The following SLC25A21 variants were observed in gnomAD, a reference collection of about 807,000 sequenced individuals.
SLC25A21 encodes solute carrier family 25 member 21.
Under a neutral mutation model 43.8 loss-of-function variants are expected in SLC25A21, and 47 were observed. The ratio of observed to expected loss-of-function variants is 1.07; its 90% CI spans 0.85 to 1.37. The LOEUF is 1.37. Ranked by LOEUF, SLC25A21 falls within the 40% of genes most tolerant of loss-of-function variation. The probability of loss-of-function intolerance (pLI) is 0.00; values close to 1 mark genes in which losing one functional copy is unlikely to be tolerated. For missense variants in SLC25A21, 352 were observed against 350.2 expected (o/e 1.00, Z -0.04); for synonymous variants, 131 against 121.3 (o/e 1.08, Z -0.52).
intron 6 of SLC25A21, among the ~76,000 whole-genome samples, chr14:36,715,190 T>C (rs1367787161): frequency 6.6e-6 from 1 of 152,176 alleles, no homozygotes; most frequent in Non-Finnish European, 1.5e-5. Flanking sequence ...AATGGAGGCC[T>C]TGGGATAAAG....
Position 37,137,350 on chromosome 14 carries a change from T to C in SLC25A21, c.70+34931A>G, listed in dbSNP as rs995673323. On this transcript the variant is annotated intron_variant, in intron 1 of 9. Transcript: ENST00000331299. ...ATAAATATAAATAATGGTATTATGT[T>C]TATGTTTAAATATTATTATTTATGT... Among the ~76,000 whole-genome samples, 15 of 152,336 alleles carry C rather than the reference T, an allele frequency of 9.8e-5. 1 individual carries two copies. The highest frequency in any genetic ancestry group is 3.1e-4 in the African/African-American group (13 of 41,574).
intron 1 of SLC25A21, among the ~76,000 whole-genome samples, chr14:36,967,183 GT>G (rs1959636924): frequency 6.6e-6 from 1 of 152,174 alleles, no homozygotes; most frequent in Admixed American, 6.5e-5. Context: ...TGGTATTTCT[GT>G]CTTTCATGAT....
At chr14:36,944,160 C>A (rs563930377) in intron 1 of SLC25A21, among the ~76,000 whole-genome samples, 1 of 152,222 alleles carries the variant, frequency 6.6e-6, no homozygotes, top group East Asian at 1.9e-4. Context: ...AATGCAGGTG[C>A]CTCTGGCCAG....
chr14:37,163,180 T>C (rs1375727791), intron 1 of SLC25A21, among the ~76,000 whole-genome samples: 2 of 151,854 alleles, frequency 1.3e-5, no homozygotes, highest in African/African-American at 2.4e-5. Context: ...TTAGGAGATA[T>C]ACCTAATGCT....
chr14:36,935,582 C>T (rs564397490), intron 1 of SLC25A21, among the ~76,000 whole-genome samples: 1 of 152,306 alleles, frequency 6.6e-6, no homozygotes, highest in Non-Finnish European at 1.5e-5. Flanking sequence ...CTGATTGGCA[C>T]TGTTCAACAT....
chr14:36,743,091 T>G (rs533909974), intron 3 of SLC25A21, among the ~76,000 whole-genome samples: 3 of 152,226 alleles, frequency 2.0e-5, no homozygotes, highest in African/African-American at 7.2e-5. Context: ...GTTGGCAGAG[T>G]GCTCAATGCA....
chr14:36,733,711 G>C (rs1884922128), intron 4 of SLC25A21, among the ~76,000 whole-genome samples: 1 of 152,154 alleles, frequency 6.6e-6, no homozygotes. Flanking sequence ...TTTAAGTTTA[G>C]GTTATCATTA....
In SLC25A21 at chr14:37,110,741, T is replaced by C. The variant is rs372465275; in HGVS notation, c.70+61540A>G. Among the ~76,000 whole-genome samples, 52 of 152,286 alleles carry C rather than the reference T, an allele frequency of 3.4e-4. No individual in the cohort carries two copies. The South Asian group carries it at 4.6e-3, about 13-fold the overall frequency. On this transcript the variant is annotated intron_variant, in intron 1 of 9. Transcript: ENST00000331299. The stretch of plus-strand genomic sequence containing the variant: ...TTAAATTCATGGCAATGAAACTCTT[T>C]CACTCCCAGACAACTGTTTATCAAT...
Position 37,135,519 on chromosome 14 carries a change from T to C in SLC25A21, c.70+36762A>G, listed in dbSNP as rs1317698469. The stretch of plus-strand genomic sequence containing the variant: ...CTGAAATTACAGGCATGAGCCACCA[T>C]GTCCAGCAGAAAAACTAAAAATTCT... On this transcript the variant is annotated intron_variant, in intron 1 of 9. Transcript: ENST00000331299. Among the ~76,000 whole-genome samples, 5 of 152,320 alleles carry C rather than the reference T, an allele frequency of 3.3e-5. No homozygotes were observed. In the South Asian group the frequency reaches 8.3e-4, roughly 25 times the overall value.
chr14:37,062,263 A>G (rs1961963076), intron 1 of SLC25A21, among the ~76,000 whole-genome samples: 1 of 152,184 alleles, frequency 6.6e-6, no homozygotes. Context: ...GGAAAGGAAA[A>G]TCATACCACA....
intron 2 of SLC25A21, among the ~76,000 whole-genome samples, chr14:36,841,182 G>T (rs1246347508): frequency 7.2e-5 from 11 of 152,102 alleles, no homozygotes; most frequent in African/African-American, 2.7e-4. Flanking sequence ...AACATCAGTT[G>T]TCTGTCTCAT....
chr14:37,013,007 C>T (rs1027858527), intron 1 of SLC25A21, among the ~76,000 whole-genome samples: 4 of 152,256 alleles, frequency 2.6e-5, no homozygotes, highest in East Asian at 3.9e-4. Flanking sequence ...TGGTGGATTG[C>T]GCAGCTCAGA....
intron 1 of SLC25A21, among the ~76,000 whole-genome samples, chr14:37,025,135 C>T (rs1045072977): frequency 3.9e-5 from 6 of 152,120 alleles, no homozygotes; most frequent in African/African-American, 1.4e-4. Flanking sequence ...ACTACCGTAG[C>T]CAGAATAAAC....
chr14:36,848,154 A>T (rs1242971016), intron 2 of SLC25A21, among the ~76,000 whole-genome samples: 6 of 152,298 alleles, frequency 3.9e-5, no homozygotes, highest in South Asian at 2.1e-4. Context: ...ATTACCCATC[A>T]GCCTCTAGAT....
chr14:37,071,735 G>A (rs1566859759), intron 1 of SLC25A21, among the ~76,000 whole-genome samples: 1 of 152,150 alleles, frequency 6.6e-6, no homozygotes, highest in Non-Finnish European at 1.5e-5. Flanking sequence ...ATGCTTTCAA[G>A]ATTCAATTTT....
chr14:36,713,815 C>A (rs188519664), intron 6 of SLC25A21, among the ~76,000 whole-genome samples: 167 of 152,140 alleles, frequency 1.1e-3, no homozygotes, highest in African/African-American at 3.9e-3. Context: ...AAGACCCAGT[C>A]TCTACAAAAA....
At chr14:36,875,036 C>T in intron 1 of SLC25A21, 32 bp from the exon 2 acceptor site, 1 of 1,531,560 alleles carries the variant, frequency 6.5e-7, no homozygotes, top group South Asian at 1.1e-5. Flanking sequence ...CCAATAAACA[C>T]TTATGTAAAC....
chr14:37,149,671 GCA>G (rs542868666), intron 1 of SLC25A21, among the ~76,000 whole-genome samples: 1 of 151,978 alleles, frequency 6.6e-6, no homozygotes, highest in South Asian at 2.1e-4. Flanking sequence ...TCCAGCCTGG[GCA>G]CAGACTCAGG....
At chr14:36,896,028 T>A (rs1891229127) in intron 1 of SLC25A21, among the ~76,000 whole-genome samples, 1 of 152,162 alleles carries the variant, frequency 6.6e-6, no homozygotes, top group Non-Finnish European at 1.5e-5. Flanking sequence ...TGATTTGGGG[T>A]GGAGTGTTCT....
Sources: gnomAD v4.1 joint callset for allele counts (sites outside exome capture counted in the v4.1 genomes callset) on GRCh38, gnomAD v4.1.1 for gene constraint, MANE v1.5 for transcripts, NCBI Gene and HGNC (gene_info 2026-07-23, HGNC 2026-07-21) for gene names.